Variants in DHX35 observed in about 807,000 individuals in gnomAD.
The protein encoded by DHX35 is DEAH-box helicase 35, also known as probable ATP-dependent RNA helicase DHX35.
A neutral mutation model predicts 99.6 loss-of-function variants in DHX35; 84 were observed. That is an observed-to-expected ratio of 0.84 (90% CI 0.71 to 1.01). The LOEUF is 1.01. Ranked by LOEUF, DHX35 falls within the 50% of genes least tolerant of loss-of-function variation. The probability of loss-of-function intolerance (pLI) is 0.00; values close to 1 mark genes in which losing one functional copy is unlikely to be tolerated. For missense variants in DHX35, 852 were observed against 888.5 expected, an observed-to-expected ratio of 0.96 and a Z score of 0.52; for synonymous variants, 331 against 316.2, an observed-to-expected ratio of 1.05 and a Z score of -0.50.
In DHX35 at chr20:39,013,940, A is replaced by G. The variant is rs1027013897; in HGVS notation, c.1348-940A>G. On this transcript the variant is annotated intron_variant, in intron 13 of 21. Transcript: ENST00000252011. Reference sequence around the variant, plus strand: ...GTTTAACTTTGGTCTTTGGCAAACAAAGTAGGGAAGGTAGACTGGGAAAAA... The same window carrying G: ...GTTTAACTTTGGTCTTTGGCAAACAGAGTAGGGAAGGTAGACTGGGAAAAA... Among the ~76,000 whole-genome samples, 3 of 152,302 alleles carry G rather than the reference A, an allele frequency of 2.0e-5. No homozygotes were observed. In the South Asian group the frequency reaches 6.2e-4, roughly 32 times the overall value.
intron 8 of DHX35, among the ~76,000 whole-genome samples, chr20:38,997,629 T>C (rs1157828134): frequency 6.6e-6 from 1 of 152,104 alleles, no homozygotes; most frequent in African/African-American, 2.4e-5. Flanking sequence ...GCTCAGCCAG[T>C]GCCTCCTGTG....
At chr20:38,980,495 T>A (rs2145853437) in intron 3 of DHX35, among the ~76,000 whole-genome samples, 1 of 150,832 alleles carries the variant, frequency 6.6e-6, no homozygotes, top group Non-Finnish European at 1.5e-5. Context: ...CTCTTAGCTA[T>A]TATTCTTATA....
At chr20:38,972,099 G>A (rs142787183) in intron 2 of DHX35, among the ~76,000 whole-genome samples, 112 of 129,122 alleles carry the variant, frequency 8.7e-4, no homozygotes, top group African/African-American at 2.8e-3. Context: ...GCCTCCCCCC[G>A]CCTGGGTTCA....
chr20:39,008,695 C>T (rs899745797), intron 12 of DHX35, among the ~76,000 whole-genome samples: 5 of 152,192 alleles, frequency 3.3e-5, no homozygotes, highest in Non-Finnish European at 5.9e-5. Flanking sequence ...AGGATTTTTC[C>T]TCAGCTTATC....
rs1269061423 is a variant in DHX35 at position 39,003,894 on chromosome 20, G to T, written c.998G>T (p.Arg333Leu). The change falls in exon 11 of 22, where the codon CGC becomes CTC. Residue 333 changes from arginine to leucine, a missense_variant. By Grantham distance (102) the Arg-to-Leu change is moderately radical. Coordinates refer to ENST00000252011, the MANE Select transcript of DHX35 (RefSeq NM_021931.4). Reference protein sequence around the residue: ...EQMKVFERVSRSVRKVIVATN... With the variant: ...EQMKVFERVSLSVRKVIVATN... ...ATGAAAGTGTTTGAAAGGGTGTCAC[G>T]CAGTGTCAGAAAGGTGAGACTATCC... is the stretch of plus-strand genomic sequence containing the variant. 1.2e-6 allele frequency: 2 copies of T among 1,614,064 alleles called. No individual in the cohort carries two copies. Among genetic ancestry groups the T allele is most frequent in the East Asian group, 2.2e-5 (1 of 44,882 alleles).
At chr20:39,018,683 G>A (rs1462135680) in intron 14 of DHX35, 121 bp from the exon 15 acceptor site, 1 of 974,354 alleles carries the variant, frequency 1.0e-6, no homozygotes, top group Non-Finnish European at 1.6e-6. Flanking sequence ...TGTAGTGCAT[G>A]AATCATCTTT....
intron 9 of DHX35, among the ~76,000 whole-genome samples, chr20:39,002,080 G>C (rs1013450866): frequency 3.3e-5 from 5 of 152,224 alleles, no homozygotes; most frequent in African/African-American, 1.2e-4. Context: ...GCCAGAGAGA[G>C]CAAAAGTGGT....
At chr20:38,967,806 A>C (rs753276378) in intron 1 of DHX35, among the ~76,000 whole-genome samples, 1 of 152,140 alleles carries the variant, frequency 6.6e-6, no homozygotes, top group African/African-American at 2.4e-5. Flanking sequence ...TCCCGATTCC[A>C]TGGTTCCAAT....
chr20:38,962,660 TCC>T, intron 1 of DHX35: 1 of 520,432 alleles, frequency 1.9e-6, no homozygotes, highest in Non-Finnish European at 3.4e-6. Context: ...GGCCTCGTCT[TCC>T]TCGTTACTGA....
chr20:39,018,087 G>T (rs938944964), intron 14 of DHX35, among the ~76,000 whole-genome samples: 1 of 152,164 alleles, frequency 6.6e-6, no homozygotes, highest in Non-Finnish European at 1.5e-5. Flanking sequence ...CACGATAACA[G>T]TATGGGGGAG....
intron 15 of DHX35, 104 bp from the exon 16 acceptor site, chr20:39,021,737 T>A (rs1024281906): frequency 8.8e-7 from 1 of 1,130,806 alleles, no homozygotes; most frequent in Non-Finnish European, 1.3e-6. Flanking sequence ...AGAAAAAATA[T>A]GATCTTAGTC....
chr20:38,997,707 G>T (rs1454054288), intron 8 of DHX35, among the ~76,000 whole-genome samples: 1 of 152,108 alleles, frequency 6.6e-6, no homozygotes, highest in African/African-American at 2.4e-5. Flanking sequence ...TCTCTGTGTG[G>T]GTTGTGGGTC....
chr20:39,031,089 G>A (rs1278415879), intron 20 of DHX35, among the ~76,000 whole-genome samples: 1 of 151,986 alleles, frequency 6.6e-6, no homozygotes, highest in East Asian at 1.9e-4. Flanking sequence ...TTGAACCTGG[G>A]AGGCAGAGGT....
At chr20:39,005,491 G>A (rs2086601020) in intron 11 of DHX35, among the ~76,000 whole-genome samples, 1 of 152,112 alleles carries the variant, frequency 6.6e-6, no homozygotes, top group Admixed American at 6.5e-5. Context: ...AAAGTAGCAT[G>A]CCCTATTATT....
chr20:38,962,749 C>T (rs1464565214), intron 1 of DHX35: 3 of 327,420 alleles, frequency 9.2e-6, no homozygotes, highest in African/African-American at 4.4e-5. Context: ...TGGGGTTGCG[C>T]TGTGGCCCGA....
chr20:38,965,186 A>C (rs1372173987), intron 1 of DHX35, among the ~76,000 whole-genome samples: 1 of 152,252 alleles, frequency 6.6e-6, no homozygotes. Context: ...ATTAGTTGAC[A>C]TGGGAATAGC....
At chr20:39,008,215 C>T (rs893972458) in intron 12 of DHX35, among the ~76,000 whole-genome samples, 1 of 152,218 alleles carries the variant, frequency 6.6e-6, no homozygotes, top group Non-Finnish European at 1.5e-5. Flanking sequence ...GCATGTACTT[C>T]ATTCCTTTTT....
intron 1 of DHX35, chr20:38,962,839 G>A (rs1200795415): frequency 5.2e-6 from 1 of 192,266 alleles, no homozygotes; most frequent in Non-Finnish European, 1.1e-5. Context: ...TTTCGTCTCT[G>A]CCTTGTAGTA....
intron 3 of DHX35, among the ~76,000 whole-genome samples, chr20:38,982,661 A>C (rs988424709): frequency 6.6e-6 from 1 of 151,678 alleles, no homozygotes; most frequent in East Asian, 1.9e-4. Flanking sequence ...CACCTTTCCC[A>C]CCCATTCCCT....
Sources: allele counts gnomAD v4.1 joint callset (sites outside exome capture counted in the v4.1 genomes callset), GRCh38; gene constraint gnomAD v4.1.1; transcripts MANE v1.5; gene names NCBI Gene and HGNC (gene_info 2026-07-23, HGNC 2026-07-21).